LRP1B: variants seen among roughly 807,000 people sequenced by gnomAD.
The protein encoded by LRP1B is low-density lipoprotein receptor-related protein 1B.
A neutral mutation model predicts 556.6 loss-of-function variants in LRP1B; 217 were observed. That is an observed-to-expected ratio of 0.39 (90% CI 0.35 to 0.44). The LOEUF (loss-of-function observed/expected upper bound fraction) is 0.44, where lower values mean the gene tolerates loss of function less well. LRP1B is among the 20% of genes least tolerant of loss of function. The probability of loss-of-function intolerance (pLI) is 1.00; values close to 1 mark genes in which losing one functional copy is unlikely to be tolerated. For synonymous variants in LRP1B, 2,047 were observed against 1,865.8 expected, an observed-to-expected ratio of 1.10 and a Z score of -2.50; for missense variants, 5,053 against 5,620.8, an observed-to-expected ratio of 0.90 and a Z score of 3.23.
chr2:140,664,956 A>T (rs1559041322), intron 41 of LRP1B, among the ~76,000 whole-genome samples: 2 of 152,162 alleles, frequency 1.3e-5, no homozygotes, highest in Non-Finnish European at 2.9e-5. Context: ...CACAGAGAAA[A>T]GGCAAACTTT....
At chr2:142,070,675 A>G (rs1705278599) in intron 1 of LRP1B, among the ~76,000 whole-genome samples, 1 of 149,274 alleles carries the variant, frequency 6.7e-6, no homozygotes, top group Non-Finnish European at 1.5e-5. Context: ...CCCTTTATCA[A>G]CAGATACTGA....
intron 17 of LRP1B, among the ~76,000 whole-genome samples, chr2:140,987,330 C>T (rs1573954666): frequency 6.6e-6 from 1 of 152,036 alleles, no homozygotes; most frequent in Non-Finnish European, 1.5e-5. Flanking sequence ...TCCTAGTAGA[C>T]CACAGGACTT....
At chr2:142,126,743 A>G (rs1415489216) in intron 1 of LRP1B, among the ~76,000 whole-genome samples, 3 of 151,850 alleles carry the variant, frequency 2.0e-5, no homozygotes, top group Non-Finnish European at 4.4e-5. Context: ...TTTCACATTA[A>G]GATACAAAAA....
chr2:141,977,384 C>A (rs2105087950), intron 1 of LRP1B, among the ~76,000 whole-genome samples: 1 of 152,108 alleles, frequency 6.6e-6, no homozygotes, highest in African/African-American at 2.4e-5. Flanking sequence ...CCAGCCTGGC[C>A]AGCATGGTGA....
Position 140,485,451 on chromosome 2 carries a change from G to A in LRP1B, c.9317C>T (p.Thr3106Ile). 1 of 1,613,800 alleles carries A rather than the reference G, an allele frequency of 6.2e-7. No homozygotes were observed. The highest frequency in any genetic ancestry group is 8.5e-7 in the Non-Finnish European group (1 of 1,179,822). ...WIGKNLYWSD[T>I]EKRIIEVSKL... The stretch of plus-strand genomic sequence containing the variant: ...GGATACTTCAATGATTCTTTTTTCT[G>A]TGTCAGACCAATAGAGGTTTTTTCC... The change falls in exon 59 of 91, where the codon ACA becomes ATA. Residue 3106 changes from threonine (T) to isoleucine (I), a missense_variant. Thr to Ile is a moderately conservative substitution (Grantham distance 89). Coordinates refer to ENST00000389484, the MANE Select transcript of LRP1B (RefSeq NM_018557.3).
At chr2:141,412,549 T>G (rs1690892126) in intron 3 of LRP1B, among the ~76,000 whole-genome samples, 1 of 132,444 alleles carries the variant, frequency 7.6e-6, no homozygotes, top group African/African-American at 3.0e-5. Flanking sequence ...TTATTAAGAC[T>G]TTGTGTATGT....
chr2:142,065,657 C>A (rs542532461), intron 1 of LRP1B, among the ~76,000 whole-genome samples: 1 of 151,410 alleles, frequency 6.6e-6, no homozygotes, highest in Non-Finnish European at 1.5e-5. Context: ...ATGTGGAGAT[C>A]TTTGTGGCAG....
At chr2:142,105,850 G>T (rs1420740110) in intron 1 of LRP1B, among the ~76,000 whole-genome samples, 1 of 151,978 alleles carries the variant, frequency 6.6e-6, no homozygotes, top group East Asian at 1.9e-4. Flanking sequence ...GTTCCTTAAG[G>T]TTGTATACTC....
In LRP1B at chr2:140,709,514, G is replaced by T. The variant is rs1356447421; in HGVS notation, c.6023+6459C>A. On this transcript the variant is annotated intron_variant, in intron 37 of 90. Transcript: ENST00000389484. ...GGAGGAGGAGGAACAAGAGGAGGAG[G>T]AGGAGTCAATGATAGCTGAAAGAAA... Among the ~76,000 whole-genome samples, 6 of 151,744 alleles carry T rather than the reference G, an allele frequency of 4.0e-5. No homozygotes were observed. The East Asian group carries it at 1.2e-3, about 30-fold the overall frequency.
chr2:141,474,758 T>C (rs1313465816), intron 3 of LRP1B, among the ~76,000 whole-genome samples: 2 of 152,122 alleles, frequency 1.3e-5, no homozygotes, highest in African/African-American at 4.8e-5. Context: ...AGGAAAATGT[T>C]CAGAATAGAA....
intron 60 of LRP1B, among the ~76,000 whole-genome samples, chr2:140,464,070 C>T (rs1008413238): frequency 6.6e-6 from 1 of 151,954 alleles, no homozygotes; most frequent in African/African-American, 2.4e-5. Context: ...GTGGTGCATG[C>T]CTGTAGTCCC....
chr2:142,094,796 G>C (rs1351433550), intron 1 of LRP1B, among the ~76,000 whole-genome samples: 2 of 150,736 alleles, frequency 1.3e-5, no homozygotes, highest in African/African-American at 4.9e-5. Context: ...CAAATATTTA[G>C]TAATAAATAT....
intron 2 of LRP1B, among the ~76,000 whole-genome samples, chr2:141,517,168 A>C (rs1684351224): frequency 6.6e-6 from 1 of 151,406 alleles, no homozygotes; most frequent in Admixed American, 6.6e-5. Flanking sequence ...TTTCATTGTA[A>C]TTTTTAAGTT....
chr2:140,907,976 G>T lies in LRP1B; in HGVS notation c.3421C>A (p.His1141Asn), dbSNP rs1258151720. Residue 1141 changes from histidine to asparagine, a missense_variant, in exon 22 of 91, where the codon CAT (histidine) becomes AAT (asparagine). His to Asn is a moderately conservative substitution (Grantham distance 68, BLOSUM62 1). This residue lies in a region of LRP1B where 3,619 missense variants were observed against 3,931.9 expected (regional missense o/e 0.92). Transcript: ENST00000389484. ...ACTGAGGTGTCATTAGCACAAGGAT[G>T]CTTGGGTGGTCCACACAAGAAACTG... ...CDSFLCGPPK[H>N]PCANDTSVCL... 6.2e-7 allele frequency: 1 copy of T among 1,613,488 alleles called. No individual in the cohort carries two copies. Among genetic ancestry groups the T allele is most frequent in the Admixed American group, 1.7e-5 (1 of 59,916 alleles).
chr2:142,036,422 G>C (rs1703880384), intron 1 of LRP1B, among the ~76,000 whole-genome samples: 1 of 151,550 alleles, frequency 6.6e-6, no homozygotes, highest in Admixed American at 6.6e-5. Context: ...ATGAATACTT[G>C]ATCTCTTAAT....
chr2:140,924,088 C>T (rs535496942), intron 20 of LRP1B, among the ~76,000 whole-genome samples: 1 of 152,010 alleles, frequency 6.6e-6, no homozygotes, highest in South Asian at 2.1e-4. Flanking sequence ...CTCTATCTAG[C>T]AATTAATGTA....
At chr2:140,915,992 C>G (rs2105246087) in intron 21 of LRP1B, among the ~76,000 whole-genome samples, 1 of 152,096 alleles carries the variant, frequency 6.6e-6, no homozygotes, top group Non-Finnish European at 1.5e-5. Flanking sequence ...CTCGCCACTG[C>G]ACTCCAGCCC....
chr2:140,525,781 TA>T, intron 49 of LRP1B, 62 bp downstream of exon 49: 1 of 1,520,548 alleles, frequency 6.6e-7, no homozygotes, highest in Middle Eastern at 1.8e-4. Flanking sequence ...ATTCACTCTA[TA>T]CAACCAGGTA....
intron 1 of LRP1B, among the ~76,000 whole-genome samples, chr2:142,102,678 G>C (rs1229716513): frequency 6.6e-6 from 1 of 151,564 alleles, no homozygotes; most frequent in Non-Finnish European, 1.5e-5. Context: ...CACAAAATTG[G>C]GTCATGGAAG....
Sources: allele counts gnomAD v4.1 joint callset (sites outside exome capture counted in the v4.1 genomes callset), GRCh38; gene constraint gnomAD v4.1.1; regional missense constraint gnomAD v4.1.1; transcripts MANE v1.5; gene names NCBI Gene and HGNC (gene_info 2026-07-23, HGNC 2026-07-21).